ST3GAL3: variants seen among roughly 807,000 people sequenced by gnomAD.
The protein encoded by ST3GAL3 is CMP-N-acetylneuraminate-beta-1,4-galactoside alpha-2,3-sialyltransferase.
ST3GAL3 carries 21 observed loss-of-function variants against 50.1 expected under a neutral mutation model. The observed-to-expected ratio is 0.42, with a 90% confidence interval of 0.30 to 0.60. The LOEUF is 0.60. ST3GAL3 is among the 20% of genes least tolerant of loss of function. The probability of loss-of-function intolerance (pLI) is 0.19; values close to 1 mark genes in which losing one functional copy is unlikely to be tolerated. For missense variants in ST3GAL3, 353 were observed against 489.4 expected (o/e 0.72, Z 2.63); for synonymous variants, 183 against 190.0 (o/e 0.96, Z 0.30).
At chr1:43,845,722 G>T (rs1489310332) in intron 5 of ST3GAL3, among the ~76,000 whole-genome samples, 2 of 150,656 alleles carry the variant, frequency 1.3e-5, no homozygotes, top group Non-Finnish European at 3.0e-5. Flanking sequence ...TTTTCCTTAG[G>T]CTAGAAGGTT....
chr1:43,810,953 G>A (rs1384522557), intron 3 of ST3GAL3, among the ~76,000 whole-genome samples: 2 of 151,980 alleles, frequency 1.3e-5, no homozygotes, highest in Admixed American at 1.3e-4. Context: ...CCCTTCCTAT[G>A]TTTTGGTTAT....
chr1:43,905,410 C>T (rs1346316495), intron 9 of ST3GAL3, among the ~76,000 whole-genome samples: 1 of 118,212 alleles, frequency 8.5e-6, no homozygotes, highest in Non-Finnish European at 1.8e-5. Context: ...TTCTGCTCCT[C>T]TTCCTGCCAC....
chr1:43,765,782 T>TGC (rs1227783643), intron 2 of ST3GAL3, among the ~76,000 whole-genome samples: 19 of 139,722 alleles, frequency 1.4e-4, no homozygotes, highest in African/African-American at 2.0e-4. Flanking sequence ...TGTGTGTGTG[T>TGC]GTGCGCGCGC....
At chr1:43,862,589 T>TC (rs1007416321) in intron 5 of ST3GAL3, among the ~76,000 whole-genome samples, 13 of 151,820 alleles carry the variant, frequency 8.6e-5, no homozygotes, top group African/African-American at 2.7e-4. Context: ...TGGGCTTCCT[T>TC]CCCAGGACCA....
At chr1:43,750,069 A>C (rs920026552) in intron 2 of ST3GAL3, among the ~76,000 whole-genome samples, 1 of 152,234 alleles carries the variant, frequency 6.6e-6, no homozygotes, top group Non-Finnish European at 1.5e-5. Flanking sequence ...GTTATAGCAC[A>C]CAGAGTGGAT....
At position 43,766,009 on chromosome 1, in the gene ST3GAL3, AG is replaced by A. The variant is rs1692807448; in HGVS notation, c.119-26091del. On this transcript the variant is annotated intron_variant, in intron 2 of 11. Transcript: ENST00000347631. Reference sequence around the variant, plus strand: ...CTTGAAGAAAGAAGCTTGAAGAGACAGGTCTCTTCACTGAGACCAGCACCAT... The same window carrying A: ...CTTGAAGAAAGAAGCTTGAAGAGACAGTCTCTTCACTGAGACCAGCACCAT... Among the ~76,000 whole-genome samples, 4 of 152,102 alleles carry A rather than the reference AG, an allele frequency of 2.6e-5. No individual in the cohort carries two copies. The South Asian group carries it at 6.2e-4, about 24-fold the overall frequency.
chr1:43,794,465 C>T (rs2058461684), intron 3 of ST3GAL3, among the ~76,000 whole-genome samples: 1 of 152,140 alleles, frequency 6.6e-6, no homozygotes, highest in Non-Finnish European at 1.5e-5. Flanking sequence ...CTTGTTGGAG[C>T]ATAATTTGGT....
At chr1:43,772,308 A>G in intron 2 of ST3GAL3, 2 of 315,308 alleles carry the variant, frequency 6.3e-6, no homozygotes, top group Non-Finnish European at 1.1e-5. Context: ...TCAGCCTCCC[A>G]AAGTGCTGGG....
At chr1:43,729,786 A>G (rs1558039664) in intron 1 of ST3GAL3, among the ~76,000 whole-genome samples, 1 of 152,254 alleles carries the variant, frequency 6.6e-6, no homozygotes, top group Non-Finnish European at 1.5e-5. Context: ...TACGTTACAA[A>G]TAGTGCTACA....
At chr1:43,718,103 C>T (rs1325899491) in intron 1 of ST3GAL3, among the ~76,000 whole-genome samples, 1 of 151,348 alleles carries the variant, frequency 6.6e-6, no homozygotes, top group African/African-American at 2.4e-5. Context: ...GAACTCTTGA[C>T]CTCAGGTGAT....
chr1:43,788,485 G>A (rs939820792), intron 2 of ST3GAL3, among the ~76,000 whole-genome samples: 2 of 152,120 alleles, frequency 1.3e-5, no homozygotes, highest in Non-Finnish European at 2.9e-5. Flanking sequence ...GAGACTCTTT[G>A]TGTGAGCACT....
intron 11 of ST3GAL3, among the ~76,000 whole-genome samples, chr1:43,925,414 C>T (rs1418823915): frequency 6.6e-6 from 1 of 151,946 alleles, no homozygotes; most frequent in East Asian, 1.9e-4. Context: ...GTAACAGCAC[C>T]TACCTCCTAG....
intron 4 of ST3GAL3, among the ~76,000 whole-genome samples, chr1:43,824,006 C>A (rs147033353): frequency 6.6e-6 from 1 of 151,946 alleles, no homozygotes; most frequent in Admixed American, 6.6e-5. Context: ...TTAACTATAC[C>A]GAAAGCTTTG....
Position 43,899,491 on chromosome 1 carries a change from G to A in ST3GAL3, c.558-50G>A, listed in dbSNP as rs368131494. ...ATGCCTGGGATAGTCTGGGGTCATG[G>A]TGCCTTCCCAAACACAGGCCCAGGC... On this transcript the variant is annotated intron_variant, in intron 8 of 11. Transcript: ENST00000347631. The surrounding 1 kb of genome is among the most constrained non-coding windows in gnomAD (Gnocchi z 5.4). The A allele has an allele frequency of 1.2e-6, 2 of 1,606,546 alleles. No homozygotes were observed. Among genetic ancestry groups the A allele is most frequent in the Non-Finnish European group, 1.7e-6 (2 of 1,179,232 alleles).
intron 11 of ST3GAL3, among the ~76,000 whole-genome samples, chr1:43,926,625 T>C (rs2084007570): frequency 6.6e-6 from 1 of 151,558 alleles, no homozygotes; most frequent in African/African-American, 2.4e-5. Context: ...TAAAAGCTTC[T>C]GAGAGTGTGG....
intron 5 of ST3GAL3, among the ~76,000 whole-genome samples, chr1:43,873,187 G>T (rs1278196770): frequency 6.6e-6 from 1 of 152,188 alleles, no homozygotes; most frequent in Non-Finnish European, 1.5e-5. Context: ...TGACCTACAG[G>T]AGAGATGATT....
At chr1:43,757,354 CCA>C (rs2154117066) in intron 2 of ST3GAL3, among the ~76,000 whole-genome samples, 1 of 152,222 alleles carries the variant, frequency 6.6e-6, no homozygotes, top group African/African-American at 2.4e-5. Flanking sequence ...AATAGTCAAA[CCA>C]TTTTGAAAAA....
chr1:43,802,035 A>C (rs1161894661), intron 3 of ST3GAL3, among the ~76,000 whole-genome samples: 2 of 152,064 alleles, frequency 1.3e-5, no homozygotes, highest in Admixed American at 1.3e-4. Context: ...AAAAAGAACT[A>C]TGATGAGCAA....
chr1:43,788,120 C>T (rs1159232136), intron 2 of ST3GAL3, among the ~76,000 whole-genome samples: 1 of 152,176 alleles, frequency 6.6e-6, no homozygotes, highest in Non-Finnish European at 1.5e-5. Flanking sequence ...ACAAATTTTA[C>T]AAAAATGCAG....
Sources: allele counts gnomAD v4.1 joint callset (sites outside exome capture counted in the v4.1 genomes callset), GRCh38; gene constraint gnomAD v4.1.1; non-coding constraint Gnocchi (gnomAD v3.1); transcripts MANE v1.5; gene names NCBI Gene and HGNC (gene_info 2026-07-23, HGNC 2026-07-21).